The following DOCK3 variants were observed in gnomAD, a reference collection of about 807,000 sequenced individuals.
The protein encoded by DOCK3 is dedicator of cytokinesis 3, also known as dedicator of cytokinesis protein 3.
A neutral mutation model predicts 265.6 loss-of-function variants in DOCK3; 60 were observed. The ratio of observed to expected loss-of-function variants is 0.23; its 90% CI spans 0.18 to 0.28. DOCK3 has a LOEUF of 0.28. Among genes scored for constraint, DOCK3 ranks in the 10% least tolerant of loss-of-function variants. The probability of loss-of-function intolerance (pLI) is 1.00; values close to 1 mark genes in which losing one functional copy is unlikely to be tolerated. For synonymous variants in DOCK3, 881 were observed against 938.0 expected (o/e 0.94, Z 1.11); for missense variants, 1,981 against 2,594.3 (o/e 0.76, Z 5.14).
chr3:51,319,321 AC>A (rs2083544589), intron 32 of DOCK3, among the ~76,000 whole-genome samples: 1 of 152,068 alleles, frequency 6.6e-6, no homozygotes, highest in South Asian at 2.1e-4. Flanking sequence ...ATAACTTCAA[AC>A]AAAAAAGGAA....
chr3:50,817,647 C>T (rs1327192767), intron 2 of DOCK3, among the ~76,000 whole-genome samples: 2 of 152,000 alleles, frequency 1.3e-5, no homozygotes, highest in Non-Finnish European at 2.9e-5. Flanking sequence ...GTTATAACTT[C>T]TCGTTCTTGC....
chr3:51,146,611 G>A lies in DOCK3; in HGVS notation c.809G>A (p.Arg270Gln), dbSNP rs768565725. Residue 270 changes from arginine to glutamine, a missense_variant, in exon 10 of 53, where the codon CGA becomes CAA. This residue lies in a region of DOCK3 where 456 missense variants were observed against 539.0 expected (regional missense o/e 0.85). Coordinates refer to ENST00000266037, the MANE Select transcript of DOCK3 (RefSeq NM_004947.5). ...CCGAGGAACCCAGAGAAGATAGAAC[G>A]AATGTGTGCCCTTTTTACAGTATGT... ...GGPRNPEKIE[R>Q]MCALFTDLSS... is the part of the protein sequence containing the mutation. 78 of 1,592,798 alleles carry A rather than the reference G, an allele frequency of 4.9e-5. No homozygotes were observed. Among genetic ancestry groups the A allele is most frequent in the Admixed American group, 7.1e-5 (4 of 56,634 alleles).
chr3:50,788,536 A>T (rs898652286), intron 2 of DOCK3, among the ~76,000 whole-genome samples: 31 of 152,350 alleles, frequency 2.0e-4, no homozygotes, highest in African/African-American at 6.5e-4. Context: ...GGTGCATCTT[A>T]TCTGGGCCAG....
intron 12 of DOCK3, among the ~76,000 whole-genome samples, chr3:51,188,732 G>A (rs2087761221): frequency 6.6e-6 from 1 of 152,058 alleles, no homozygotes; most frequent in African/African-American, 2.4e-5. Context: ...TTCCATCCAT[G>A]TTACTAAAGG....
intron 2 of DOCK3, among the ~76,000 whole-genome samples, chr3:50,831,338 C>T (rs980933012): frequency 6.6e-6 from 1 of 152,038 alleles, no homozygotes; most frequent in Non-Finnish European, 1.5e-5. Flanking sequence ...ATCAACCCGT[C>T]ATCTACATTA....
chr3:51,328,441 G>A (rs1381434889), intron 32 of DOCK3, among the ~76,000 whole-genome samples: 1 of 152,052 alleles, frequency 6.6e-6, no homozygotes, highest in Non-Finnish European at 1.5e-5. Flanking sequence ...TACCTGACTT[G>A]ACATAACCCC....
chr3:51,229,711 A>G, intron 19 of DOCK3, 102 bp downstream of exon 19: 6 of 840,216 alleles, frequency 7.1e-6, no homozygotes, highest in Non-Finnish European at 1.0e-5. Context: ...AGACTGTTTC[A>G]TCAGATTTTT....
At chr3:50,738,894 C>T (rs1044305606) in intron 1 of DOCK3, among the ~76,000 whole-genome samples, 2 of 152,144 alleles carry the variant, frequency 1.3e-5, no homozygotes, top group African/African-American at 2.4e-5. Context: ...TTCATATCTC[C>T]GTTGGTAGGC....
intron 12 of DOCK3, among the ~76,000 whole-genome samples, chr3:51,186,186 T>G (rs1443361106): frequency 6.6e-6 from 1 of 152,204 alleles, no homozygotes; most frequent in Non-Finnish European, 1.5e-5. Flanking sequence ...AGGTCCAGGC[T>G]GAGTTGGTAT....
At chr3:51,317,327 A>G (rs1386947943) in intron 32 of DOCK3, among the ~76,000 whole-genome samples, 1 of 151,410 alleles carries the variant, frequency 6.6e-6, no homozygotes, top group Non-Finnish European at 1.5e-5. Flanking sequence ...AAGAAAAAGA[A>G]AAAAGACCTT....
At chr3:51,324,821 A>T (rs1019444540) in intron 32 of DOCK3, among the ~76,000 whole-genome samples, 1 of 152,240 alleles carries the variant, frequency 6.6e-6, no homozygotes, top group African/African-American at 2.4e-5. Context: ...TGGGGAAAGG[A>T]TTCCCTATTT....
In DOCK3 at chr3:50,895,001, T is replaced by C. The variant is rs2048825183; in HGVS notation, c.218+4920T>C. ...ATTCTGACTGCTAAGTGATTTACTT[T>C]CAAAGTATTGCTCCAGTAATGTTAA... is the stretch of plus-strand genomic sequence containing the variant. On this transcript the variant is annotated intron_variant, in intron 4 of 52. Coordinates refer to ENST00000266037, the MANE Select transcript of DOCK3 (RefSeq NM_004947.5). 1.3e-5 allele frequency among the ~76,000 whole-genome samples: 2 copies of C among 152,156 alleles called. 1 individual carries two copies. The highest frequency in any genetic ancestry group is 4.1e-4 in the South Asian group (2 of 4,830).
At position 51,171,488 on chromosome 3, in the gene DOCK3, G is replaced by A. The variant is rs901784630; in HGVS notation, c.1037+10786G>A. Among the ~76,000 whole-genome samples the A allele has an allele frequency of 9.9e-5, 15 of 152,132 alleles. No individual in the cohort carries two copies. The South Asian group carries it at 1.0e-3, about 11-fold the overall frequency. ...TCTCAGCACTTTGGGAGGCCAAGGC[G>A]GGCAGATCACGAGGTCATGAGATCA... On this transcript the variant is annotated intron_variant, in intron 12 of 52. Transcript: ENST00000266037.
rs904681338 is a variant in DOCK3 at position 50,980,394 on chromosome 3, T to A, written c.315+46317T>A. On this transcript the variant is annotated intron_variant, in intron 5 of 52. Transcript: ENST00000266037. ...TTGAGGATTTTTGTGTCTGTGATCA[T>A]CAGGGATATTGTCCTGTAGTTTTCT... Among the ~76,000 whole-genome samples, 7 of 152,214 alleles carry A rather than the reference T, an allele frequency of 4.6e-5. 1 individual carries two copies. The highest frequency in any genetic ancestry group is 1.5e-5 in the Non-Finnish European group (1 of 68,016).
At chr3:50,894,104 A>G (rs1048807301) in intron 4 of DOCK3, among the ~76,000 whole-genome samples, 5 of 152,102 alleles carry the variant, frequency 3.3e-5, no homozygotes, top group African/African-American at 4.8e-5. Flanking sequence ...CGTTGTGCAC[A>G]TGTACCCTAG....
At chr3:51,203,924 C>G (rs1227430574) in intron 12 of DOCK3, among the ~76,000 whole-genome samples, 6 of 152,160 alleles carry the variant, frequency 3.9e-5, no homozygotes, top group Non-Finnish European at 8.8e-5. Flanking sequence ...AAAGGATTCC[C>G]TATTTAATAA....
chr3:50,746,327 G>C (rs1157460262), intron 1 of DOCK3, among the ~76,000 whole-genome samples: 1 of 151,856 alleles, frequency 6.6e-6, no homozygotes, highest in South Asian at 2.1e-4. Context: ...GGCTGGTCTC[G>C]AACTCCTGAC....
intron 4 of DOCK3, among the ~76,000 whole-genome samples, chr3:50,914,506 A>G (rs1007832040): frequency 2.0e-5 from 3 of 152,124 alleles, no homozygotes; most frequent in African/African-American, 4.8e-5. Flanking sequence ...TGCAACTTTG[A>G]AAGTTTTTCT....
chr3:51,055,777 T>TTTGGTG (rs2081179165), intron 5 of DOCK3, among the ~76,000 whole-genome samples: 1 of 152,146 alleles, frequency 6.6e-6, no homozygotes, highest in African/African-American at 2.4e-5. Context: ...CCTTTCTACC[T>TTTGGTG]TTGGTGTTGT....
Sources: allele counts gnomAD v4.1 joint callset (sites outside exome capture counted in the v4.1 genomes callset), GRCh38; gene constraint gnomAD v4.1.1; regional missense constraint gnomAD v4.1.1; transcripts MANE v1.5; gene names NCBI Gene and HGNC (gene_info 2026-07-23, HGNC 2026-07-21).